PPARGC1B: variants seen among roughly 807,000 people sequenced by gnomAD.
PPARGC1B encodes peroxisome proliferator-activated receptor gamma coactivator 1-beta.
In PPARGC1B, 34 loss-of-function variants were observed where a neutral mutation model predicts 101.6. That is an observed-to-expected ratio of 0.33 (90% CI 0.25 to 0.45). The LOEUF (loss-of-function observed/expected upper bound fraction) is 0.45. Among genes scored for constraint, PPARGC1B ranks in the 20% least tolerant of loss-of-function variants. The probability of loss-of-function intolerance (pLI) is 1.00; values close to 1 mark genes in which losing one functional copy is unlikely to be tolerated. For missense variants in PPARGC1B, 1,234 were observed against 1,317.6 expected, an observed-to-expected ratio of 0.94 and a Z score of 0.98; for synonymous variants, 548 against 539.3, an observed-to-expected ratio of 1.02 and a Z score of -0.22.
chr5:149,760,855 G>A (rs1755692571), intron 1 of PPARGC1B, among the ~76,000 whole-genome samples: 1 of 152,176 alleles, frequency 6.6e-6, no homozygotes, highest in Non-Finnish European at 1.5e-5. Flanking sequence ...GGGCATTTAA[G>A]GAGAGCTTGC....
chr5:149,821,315 G>A (rs577950781), intron 2 of PPARGC1B, among the ~76,000 whole-genome samples: 110 of 152,292 alleles, frequency 7.2e-4, no homozygotes, highest in African/African-American at 2.4e-3. Flanking sequence ...GTGCTCCAGC[G>A]CCCAGCCTCA....
chr5:149,781,513 C>G (rs1057203109), intron 1 of PPARGC1B, among the ~76,000 whole-genome samples: 1 of 152,208 alleles, frequency 6.6e-6, no homozygotes, highest in Admixed American at 6.5e-5. Context: ...GAGGTGCTGG[C>G]TATGGAGTCC....
At chr5:149,749,113 A>G (rs1352072036) in intron 1 of PPARGC1B, among the ~76,000 whole-genome samples, 2 of 152,190 alleles carry the variant, frequency 1.3e-5, no homozygotes, top group Non-Finnish European at 1.5e-5. Context: ...CCCTGGCTCA[A>G]TACAGCAGGA....
intron 1 of PPARGC1B, among the ~76,000 whole-genome samples, chr5:149,811,985 C>T (rs967953201): frequency 6.6e-6 from 1 of 152,238 alleles, no homozygotes; most frequent in South Asian, 2.1e-4. Flanking sequence ...GATCCACTCC[C>T]GCCAGACCTG....
At chr5:149,771,797 G>A in intron 1 of PPARGC1B, 1 of 291,114 alleles carries the variant, frequency 3.4e-6, no homozygotes, top group Admixed American at 5.0e-5. Context: ...CATAACAACT[G>A]GTTCTGGAGG....
intron 10 of PPARGC1B, among the ~76,000 whole-genome samples, chr5:149,844,516 G>A (rs1050986284): frequency 2.6e-5 from 4 of 152,218 alleles, no homozygotes; most frequent in African/African-American, 9.6e-5. Flanking sequence ...GCACATGCCT[G>A]TAATCTCAGC....
At chr5:149,750,281 C>G (rs1195978916) in intron 1 of PPARGC1B, among the ~76,000 whole-genome samples, 1 of 151,454 alleles carries the variant, frequency 6.6e-6, no homozygotes, top group East Asian at 1.9e-4. Context: ...TTGGGAACTT[C>G]AGGCCAGATT....
chr5:149,742,417 C>T (rs1754944694), intron 1 of PPARGC1B, among the ~76,000 whole-genome samples: 1 of 152,196 alleles, frequency 6.6e-6, no homozygotes, highest in Non-Finnish European at 1.5e-5. Context: ...TGTTCCCTGC[C>T]TTCCCTCAAT....
Position 149,811,220 on chromosome 5 carries a change from T to C in PPARGC1B, c.79-9213T>C, listed in dbSNP as rs1386989710. ...GTCCACACCCACAGTGCCAGGGTTC[T>C]AGTTTCCAGTTTCAGGATGCATTCA... On this transcript the variant is annotated intron_variant, in intron 1 of 11. Transcript: ENST00000309241. Among the ~76,000 whole-genome samples, 4 of 152,232 alleles carry C rather than the reference T, an allele frequency of 2.6e-5. No individual in the cohort carries two copies. The South Asian group carries it at 8.3e-4, about 31-fold the overall frequency.
chr5:149,763,788 C>CT (rs1013564279), intron 1 of PPARGC1B, among the ~76,000 whole-genome samples: 263 of 148,378 alleles, frequency 1.8e-3, no homozygotes, highest in African/African-American at 4.2e-3. Flanking sequence ...GCCTTTTTTT[C>CT]TTTTTTTTTT....
intron 2 of PPARGC1B, among the ~76,000 whole-genome samples, chr5:149,822,883 T>G (rs1279731018): frequency 1.3e-5 from 2 of 151,864 alleles, no homozygotes; most frequent in African/African-American, 4.9e-5. Flanking sequence ...CTAGTCCCCC[T>G]TCTGGCACTA....
intron 1 of PPARGC1B, among the ~76,000 whole-genome samples, chr5:149,734,871 A>G (rs1267656307): frequency 6.6e-6 from 1 of 152,138 alleles, no homozygotes; most frequent in Non-Finnish European, 1.5e-5. Context: ...CCATATGATC[A>G]TGGGTGACTT....
chr5:149,836,267 C>T lies in PPARGC1B; in HGVS notation c.1812C>T (p.Leu604=), dbSNP rs1248060335. ...TTTCTCCTCTTCCTCGGGCAGGACTCACCCCACCCACCACACCACCGTACA... is the reference window on the plus strand; with the variant it reads ...TTTCTCCTCTTCCTCGGGCAGGACTTACCCCACCCACCACACCACCGTACA... ...LTVELCGTAG[L]TPPTTPPYKP... The change falls in exon 8 of 12, where the codon CTC becomes CTT. Residue 604 remains leucine, a synonymous_variant. Coordinates refer to ENST00000309241, the MANE Select transcript of PPARGC1B (RefSeq NM_133263.4). 3 of 1,561,698 alleles carry T rather than the reference C, an allele frequency of 1.9e-6. No homozygotes were observed. Among genetic ancestry groups the T allele is most frequent in the Non-Finnish European group, 2.6e-6 (3 of 1,155,192 alleles).
chr5:149,836,270 C>A lies in PPARGC1B; in HGVS notation c.1815C>A (p.Thr605=). The part of the protein sequence containing the change: ...TVELCGTAGL[T]PPTTPPYKPT... Reference sequence around the variant, plus strand: ...CTCCTCTTCCTCGGGCAGGACTCACCCCACCCACCACACCACCGTACAAGC... The same window carrying A: ...CTCCTCTTCCTCGGGCAGGACTCACACCACCCACCACACCACCGTACAAGC... The change falls in exon 8 of 12, where the codon ACC becomes ACA. Residue 605 remains threonine, a synonymous_variant. Coordinates refer to ENST00000309241, the MANE Select transcript of PPARGC1B (RefSeq NM_133263.4). 6.4e-7 allele frequency: 1 copy of A among 1,564,614 alleles called. No homozygotes were observed. Among genetic ancestry groups the A allele is most frequent in the Non-Finnish European group, 8.6e-7 (1 of 1,156,530 alleles).
At chr5:149,788,128 G>A (rs1756876859) in intron 1 of PPARGC1B, among the ~76,000 whole-genome samples, 1 of 152,198 alleles carries the variant, frequency 6.6e-6, no homozygotes, top group African/African-American at 2.4e-5. Flanking sequence ...TACCATCAGA[G>A]TGAACAGGCA....
chr5:149,816,852 C>G (rs1758072550), intron 1 of PPARGC1B, among the ~76,000 whole-genome samples: 1 of 152,198 alleles, frequency 6.6e-6, no homozygotes, highest in African/African-American at 2.4e-5. Context: ...TGAGAGGTAC[C>G]TCCCCAACCC....
At chr5:149,811,269 T>A (rs974197902) in intron 1 of PPARGC1B, among the ~76,000 whole-genome samples, 1 of 152,202 alleles carries the variant, frequency 6.6e-6, no homozygotes, top group Admixed American at 6.5e-5. Context: ...CTTTGACTCT[T>A]GTCAAGCAGT....
chr5:149,766,671 A>C (rs200615941), intron 1 of PPARGC1B, among the ~76,000 whole-genome samples: 1 of 152,196 alleles, frequency 6.6e-6, no homozygotes, highest in East Asian at 1.9e-4. Flanking sequence ...AGGGCCTGGG[A>C]TTATACTCTG....
At chr5:149,750,191 A>C (rs1211100811) in intron 1 of PPARGC1B, among the ~76,000 whole-genome samples, 1 of 151,952 alleles carries the variant, frequency 6.6e-6, no homozygotes, top group Non-Finnish European at 1.5e-5. Context: ...CAGGCAAGAG[A>C]ATCCCTGATT....
Sources: gnomAD v4.1 joint callset for allele counts (sites outside exome capture counted in the v4.1 genomes callset) on GRCh38, gnomAD v4.1.1 for gene constraint, MANE v1.5 for transcripts, NCBI Gene and HGNC (gene_info 2026-07-23, HGNC 2026-07-21) for gene names.